Variants in ST7 observed in about 807,000 individuals in gnomAD.
ST7 encodes the protein suppression of tumorigenicity 7, also known as suppressor of tumorigenicity 7 protein.
A neutral mutation model predicts 78.7 loss-of-function variants in ST7; 28 were observed. The ratio of observed to expected loss-of-function variants is 0.36; its 90% confidence interval spans 0.26 to 0.49. The LOEUF is 0.49. Among genes scored for constraint, ST7 ranks in the 20% least tolerant of loss-of-function variants. The pLI is 0.99. For synonymous variants in ST7, 247 were observed against 249.6 expected (o/e 0.99, Z 0.10); for missense variants, 418 against 696.0 (o/e 0.60, Z 4.49).
chr7:117,044,016 G>T (rs1028579004), intron 1 of ST7, among the ~76,000 whole-genome samples: 1 of 152,180 alleles, frequency 6.6e-6, no homozygotes, highest in Non-Finnish European at 1.5e-5. Flanking sequence ...GACTTACTCT[G>T]CATCTTGAAC....
intron 1 of ST7, among the ~76,000 whole-genome samples, chr7:116,960,015 G>T (rs1792739373): frequency 6.6e-6 from 1 of 152,152 alleles, no homozygotes; most frequent in East Asian, 1.9e-4. Flanking sequence ...TACAAGTCCA[G>T]ATTTTGTATG....
At chr7:117,203,994 C>G (rs1330369638) in intron 12 of ST7, among the ~76,000 whole-genome samples, 3 of 152,184 alleles carry the variant, frequency 2.0e-5, no homozygotes, top group Admixed American at 1.3e-4. Context: ...CAGGAAGAAG[C>G]AGGTGCCTTG....
intron 12 of ST7, among the ~76,000 whole-genome samples, chr7:117,196,624 C>CTTTTTTTTT (rs56133709): frequency 1.5e-4 from 9 of 59,518 alleles, no homozygotes; most frequent in African/African-American, 4.6e-4. Context: ...GATTGTTGGG[C>CTTTTTTTTT]TTTTTTTTTT....
intron 1 of ST7, among the ~76,000 whole-genome samples, chr7:117,038,766 G>A (rs2116261411): frequency 6.6e-6 from 1 of 152,308 alleles, no homozygotes; most frequent in Middle Eastern, 3.4e-3. Context: ...AAAGGGGGGA[G>A]TGTGTGTATA....
intron 1 of ST7, among the ~76,000 whole-genome samples, chr7:117,066,643 C>T (rs1009646823): frequency 2.0e-5 from 3 of 151,608 alleles, no homozygotes; most frequent in African/African-American, 4.9e-5. Flanking sequence ...CACCTGTAGC[C>T]CCAGCTACTC....
At chr7:116,959,140 G>T (rs1406499333) in intron 1 of ST7, 3 of 461,830 alleles carry the variant, frequency 6.5e-6, no homozygotes, top group Non-Finnish European at 1.3e-5. Context: ...TAAATCCTTT[G>T]TTGTCATTTC....
intron 1 of ST7, among the ~76,000 whole-genome samples, chr7:117,031,290 A>G: frequency 6.6e-6 from 1 of 151,946 alleles, no homozygotes. Context: ...CTGTACATCA[A>G]ACCCCTGAGT....
intron 13 of ST7, among the ~76,000 whole-genome samples, chr7:117,212,628 A>G (rs1265560769): frequency 6.6e-6 from 1 of 152,220 alleles, no homozygotes; most frequent in African/African-American, 2.4e-5. Flanking sequence ...GTATAAATAA[A>G]TGAAAGAGAC....
At position 117,143,063 on chromosome 7, in the gene ST7, A is replaced by C. The variant is rs565701739; in HGVS notation, c.963+4531A>C. Among the ~76,000 whole-genome samples, 5 of 152,260 alleles carry C rather than the reference A, an allele frequency of 3.3e-5. No individual in the cohort carries two copies. In the South Asian group the frequency reaches 1.0e-3, roughly 32 times the overall value. ...CCTGAAGATCCATCCCAGGGCAGGA[A>C]GAGTAAATGAACCTGGTGGGGTCCT... On this transcript the variant is annotated intron_variant, in intron 9 of 15. Transcript: ENST00000323984.
At chr7:117,113,657 G>A (rs1337569844) in intron 2 of ST7, among the ~76,000 whole-genome samples, 1 of 152,144 alleles carries the variant, frequency 6.6e-6, no homozygotes, top group Non-Finnish European at 1.5e-5. Flanking sequence ...TACTGTATAT[G>A]AAATGCCAGG....
chr7:117,119,113 C>A (rs1343723061), intron 2 of ST7, among the ~76,000 whole-genome samples: 1 of 152,154 alleles, frequency 6.6e-6, no homozygotes, highest in African/African-American at 2.4e-5. Flanking sequence ...TGCCCCGCCC[C>A]TACCCCGATT....
chr7:116,979,817 C>T (rs1032330738), intron 1 of ST7, among the ~76,000 whole-genome samples: 5 of 152,076 alleles, frequency 3.3e-5, no homozygotes, highest in Admixed American at 6.6e-5. Context: ...GGCCTTCTAC[C>T]GTGAGCGCCA....
chr7:117,118,095 G>C (rs1243097125), intron 2 of ST7: 1 of 152,894 alleles, frequency 6.5e-6, no homozygotes, highest in Non-Finnish European at 1.5e-5. Context: ...GATAATTCAC[G>C]ATAGGTTGAG....
At chr7:117,137,305 C>T (rs564065095) in intron 8 of ST7, 4 of 152,202 alleles carry the variant, frequency 2.6e-5, no homozygotes, top group Admixed American at 2.0e-4. Flanking sequence ...TATTTTTATT[C>T]TGCAGCATAT....
At chr7:117,044,380 C>T (rs2428290) in intron 1 of ST7, among the ~76,000 whole-genome samples, 54,993 of 151,960 alleles carry the variant, frequency 0.36, 11,352 homozygotes, top group African/African-American at 0.57. Context: ...CTAAGGTAGG[C>T]GTTTTTTTCG....
intron 1 of ST7, chr7:116,959,694 A>G (rs1317878819): frequency 6.6e-6 from 1 of 152,298 alleles, no homozygotes; most frequent in Non-Finnish European, 1.5e-5. Context: ...ATGAATATAT[A>G]AAAGGACAAT....
intron 1 of ST7, among the ~76,000 whole-genome samples, chr7:117,080,067 G>A (rs1322846440): frequency 3.2e-5 from 4 of 126,416 alleles, no homozygotes. Flanking sequence ...CGCAAGCTCC[G>A]CCTCCCGGGT....
chr7:117,046,584 A>T (rs1323764550), intron 1 of ST7, among the ~76,000 whole-genome samples: 1 of 152,086 alleles, frequency 6.6e-6, no homozygotes, highest in East Asian at 1.9e-4. Context: ...CAGTTAGTCT[A>T]CCAGAAATGG....
At chr7:117,150,477 G>C (rs1224051945) in intron 9 of ST7, among the ~76,000 whole-genome samples, 1 of 152,066 alleles carries the variant, frequency 6.6e-6, no homozygotes, top group Non-Finnish European at 1.5e-5. Context: ...CCTCTTTTCA[G>C]TTACTTCCCT....
Sources: gnomAD v4.1 joint callset for allele counts (sites outside exome capture counted in the v4.1 genomes callset) on GRCh38, gnomAD v4.1.1 for gene constraint, MANE v1.5 for transcripts, NCBI Gene and HGNC (gene_info 2026-07-23, HGNC 2026-07-21) for gene names.